Variants in ZDHHC3 observed in about 807,000 individuals in gnomAD.
ZDHHC3 encodes zDHHC palmitoyltransferase 3.
In ZDHHC3, 9 loss-of-function variants were observed where a neutral mutation model predicts 30.6. The observed-to-expected ratio is 0.29, with a 90% confidence interval of 0.18 to 0.51. ZDHHC3 has a LOEUF of 0.51. ZDHHC3 is among the 20% of genes least tolerant of loss of function. The pLI, the probability that ZDHHC3 is intolerant of heterozygous loss-of-function variation, is 0.97. For synonymous variants in ZDHHC3, 136 were observed against 140.2 expected, an observed-to-expected ratio of 0.97 and a Z score of 0.21; for missense variants, 246 against 384.2, an observed-to-expected ratio of 0.64 and a Z score of 3.01.
intron 3 of ZDHHC3, among the ~76,000 whole-genome samples, chr3:44,940,517 G>C (rs1702348556): frequency 6.6e-6 from 1 of 152,210 alleles, no homozygotes; most frequent in Admixed American, 6.5e-5. Context: ...TCGTGGATGA[G>C]ACGCTGTAAG....
Position 44,923,998 on chromosome 3 carries a change from C to CA in ZDHHC3, c.*2690dup. 1 of 985,396 alleles carries CA rather than the reference C, an allele frequency of 1.0e-6. No homozygotes were observed. Among genetic ancestry groups the CA allele is most frequent in the Middle Eastern group, 5.2e-4 (1 of 1,914 alleles). 61.0% of individuals were successfully genotyped at this position (985,396 alleles called of 1,614,324 possible). ...CTAGTTGCTATGAACACAAACCTGACAGAGTTGACAGAAGGAAAGCAAGCT... is the reference window on the plus strand; with the variant it reads ...CTAGTTGCTATGAACACAAACCTGACAAGAGTTGACAGAAGGAAAGCAAGCT... On this transcript the variant is annotated 3_prime_UTR_variant, in exon 7 of 7. Transcript: ENST00000424952.
chr3:44,968,143 A>G (rs1178014448), intron 1 of ZDHHC3, among the ~76,000 whole-genome samples: 1 of 151,666 alleles, frequency 6.6e-6, no homozygotes, highest in East Asian at 1.9e-4. Flanking sequence ...TTTTTTTTCC[A>G]CCCAAAGTTG....
At chr3:44,975,772 T>TCACACACACACACACA (rs1185484134) in intron 1 of ZDHHC3, among the ~76,000 whole-genome samples, 161 bp downstream of exon 1, 9 of 116,704 alleles carry the variant, frequency 7.7e-5, no homozygotes, top group Non-Finnish European at 5.4e-5. Context: ...TCTCTCTCTC[T>TCACACACACACACACA]CACACACACA....
At chr3:44,927,108 T>C (rs1292347999) in intron 6 of ZDHHC3, among the ~76,000 whole-genome samples, 2 of 152,208 alleles carry the variant, frequency 1.3e-5, no homozygotes, top group African/African-American at 4.8e-5. Context: ...CTTGTAAGTA[T>C]GCCAGGCCGG....
At chr3:44,937,195 A>G (rs955638133) in intron 3 of ZDHHC3, among the ~76,000 whole-genome samples, 4 of 152,192 alleles carry the variant, frequency 2.6e-5, no homozygotes, top group Admixed American at 1.3e-4. Context: ...CTGTAATCCC[A>G]GCACTCTGGG....
intron 2 of ZDHHC3, among the ~76,000 whole-genome samples, chr3:44,951,680 T>C (rs991175918): frequency 6.6e-6 from 1 of 152,154 alleles, no homozygotes; most frequent in African/African-American, 2.4e-5. Flanking sequence ...TGCCCTTTCA[T>C]AGCTAAGCTG....
Position 44,923,312 on chromosome 3 carries a change from G to A in ZDHHC3, c.*3377C>T, listed in dbSNP as rs1330151926. On this transcript the variant is annotated 3_prime_UTR_variant, in exon 7 of 7. Transcript: ENST00000424952. ...AGGATGATCTCGATCTCTTGACCTCGTGATCTGCCCGCCTCGGCCTCCCAA... is the reference window on the plus strand; with the variant it reads ...AGGATGATCTCGATCTCTTGACCTCATGATCTGCCCGCCTCGGCCTCCCAA... 11 of 975,230 alleles carry A rather than the reference G, an allele frequency of 1.1e-5. No homozygotes were observed. Among genetic ancestry groups the A allele is most frequent in the Admixed American group, 6.2e-5 (1 of 16,240 alleles). 60.4% of individuals were successfully genotyped at this position (975,230 alleles called of 1,614,324 possible). A position where few individuals can be genotyped will look rare whatever the true frequency, so the allele number is the denominator to read the frequency against.
Position 44,920,748 on chromosome 3 carries a change from C to G in ZDHHC3, c.*5941G>C, listed in dbSNP as rs148609777. 66 of 985,430 alleles carry G rather than the reference C, an allele frequency of 6.7e-5. 1 individual carries two copies. In the African/African-American group the frequency reaches 9.6e-4, roughly 14 times the overall value. The allele number at this position is 985,430 out of a possible 1,614,324, so 61.0% of individuals were successfully genotyped here. A position where few individuals can be genotyped will look rare whatever the true frequency, so the allele number is the denominator to read the frequency against. The stretch of plus-strand genomic sequence containing the variant: ...GATTATTTGCCATTCATGTGGCATG[C>G]TCCCAGATAGGCACTCTTGGATTAT... On this transcript the variant is annotated 3_prime_UTR_variant, in exon 7 of 7. Coordinates refer to ENST00000424952, the MANE Select transcript of ZDHHC3 (RefSeq NM_001135179.2).
chr3:44,927,420 C>A (rs775700873), intron 6 of ZDHHC3, among the ~76,000 whole-genome samples: 4 of 152,208 alleles, frequency 2.6e-5, no homozygotes, highest in African/African-American at 7.2e-5. Context: ...TCAAGCAGCA[C>A]CCCGCTTAGT....
At chr3:44,963,885 A>G (rs1206513058) in intron 1 of ZDHHC3, among the ~76,000 whole-genome samples, 1 of 152,210 alleles carries the variant, frequency 6.6e-6, no homozygotes, top group Non-Finnish European at 1.5e-5. Flanking sequence ...CAACTCAAAA[A>G]GACATTCATG....
intron 3 of ZDHHC3, among the ~76,000 whole-genome samples, chr3:44,942,793 A>G (rs1163386577): frequency 6.6e-6 from 1 of 152,254 alleles, no homozygotes; most frequent in Non-Finnish European, 1.5e-5. Flanking sequence ...AAGATGCAGC[A>G]CCTGGCCGAA....
intron 1 of ZDHHC3, among the ~76,000 whole-genome samples, chr3:44,971,635 A>C (rs1705412291): frequency 6.6e-6 from 1 of 152,188 alleles, no homozygotes; most frequent in African/African-American, 2.4e-5. Context: ...ACATTTGGTA[A>C]GCAGGATCTG....
In ZDHHC3 at chr3:44,945,287, T is replaced by C. The variant is rs761977998; in HGVS notation, c.312A>G (p.Ala104=). Residue 104 remains alanine (A), a synonymous_variant, in exon 3 of 7, where the codon GCA becomes GCG. Coordinates refer to ENST00000424952, the MANE Select transcript of ZDHHC3 (RefSeq NM_001135179.2). ...CTTTAGTGGCATTTCCTTTGGGCAC[T>C]GCCCCCTGTAGGAAAGATGAAAGGT... is the stretch of plus-strand genomic sequence containing the variant. ...HCRAMLTDPG[A]VPKGNATKEF... 6.2e-6 allele frequency: 10 copies of C among 1,614,094 alleles called. No individual in the cohort carries two copies. In the East Asian group the frequency reaches 2.0e-4, roughly 32 times the overall value.
chr3:44,944,679 G>GA (rs112942646), intron 3 of ZDHHC3, among the ~76,000 whole-genome samples: 169 of 152,334 alleles, frequency 1.1e-3, no homozygotes, highest in African/African-American at 3.9e-3. Flanking sequence ...ATAAGATGGG[G>GA]AAATGGCTTT....
At position 44,945,191 on chromosome 3, in the gene ZDHHC3, C is replaced by G. The variant is rs1702809594; in HGVS notation, c.408G>C (p.Lys136Asn). 1 of 1,613,992 alleles carries G rather than the reference C, an allele frequency of 6.2e-7. No individual in the cohort carries two copies. The highest frequency in any genetic ancestry group is 1.3e-5 in the African/African-American group (1 of 74,900). ...ACCTGCAGTGGTGGGCTCGGTCGGG[C>G]TTGATGCTGCAGCATTTGGGGCACT... ...VYKCPKCCSI[K>N]PDRAHHCSVC... The change falls in exon 3 of 7, where the codon AAG becomes AAC. Residue 136 changes from lysine to asparagine, a missense_variant. Lys to Asn is a moderately conservative substitution (Grantham distance 94). Transcript: ENST00000424952.
At position 44,943,901 on chromosome 3, in the gene ZDHHC3, T is replaced by C. The variant is rs559805523; in HGVS notation, c.431+1267A>G. Among the ~76,000 whole-genome samples, 69 of 152,202 alleles carry C rather than the reference T, an allele frequency of 4.5e-4. 1 individual carries two copies. Among genetic ancestry groups the C allele is most frequent in the African/African-American group, 1.6e-3 (67 of 41,542 alleles). ...TGCTCTGGAGGCTGAGGCAGGAGGA[T>C]TGCTTGAGCCTGGGAGTCTGAAGCC... On this transcript the variant is annotated intron_variant, in intron 3 of 6. Transcript: ENST00000424952.
At position 44,917,895 on chromosome 3, in the gene ZDHHC3, C is replaced by T. The variant is rs1408123058; in HGVS notation, c.*8794G>A. 2 of 1,302,120 alleles carry T rather than the reference C, an allele frequency of 1.5e-6. No homozygotes were observed. The highest frequency in any genetic ancestry group is 1.1e-4 in the East Asian group (2 of 18,030). The allele number at this position is 1,302,120 out of a possible 1,614,324, so 80.7% of individuals were successfully genotyped here. Reference sequence around the variant, plus strand: ...TTTGCTTCTCTCCCCACAGCAGCATCTATTCATCTGTCACCTCCACAGAGT... The same window carrying T: ...TTTGCTTCTCTCCCCACAGCAGCATTTATTCATCTGTCACCTCCACAGAGT... On this transcript the variant is annotated 3_prime_UTR_variant, in exon 7 of 7. Transcript: ENST00000424952.
chr3:44,971,515 G>T (rs999653425), intron 1 of ZDHHC3, among the ~76,000 whole-genome samples: 1 of 152,214 alleles, frequency 6.6e-6, no homozygotes, highest in Admixed American at 6.5e-5. Flanking sequence ...AGCATGGCAT[G>T]AGCCTCATTT....
chr3:44,929,768 C>A (rs148680066), intron 5 of ZDHHC3, among the ~76,000 whole-genome samples: 1 of 152,168 alleles, frequency 6.6e-6, no homozygotes, highest in Non-Finnish European at 1.5e-5. Context: ...GAGGCATGAA[C>A]GCCTGACGAC....
Sources: gnomAD v4.1 joint callset for allele counts (sites outside exome capture counted in the v4.1 genomes callset) on GRCh38, gnomAD v4.1.1 for gene constraint, MANE v1.5 for transcripts, NCBI Gene and HGNC (gene_info 2026-07-23, HGNC 2026-07-21) for gene names.